SLCO3A1: variants seen among roughly 807,000 people sequenced by gnomAD.
SLCO3A1 encodes PGE1 transporter.
SLCO3A1 carries 27 observed loss-of-function variants against 63.1 expected under a neutral mutation model. The ratio of observed to expected loss-of-function variants is 0.43; its 90% CI spans 0.32 to 0.59. The LOEUF (loss-of-function observed/expected upper bound fraction) is 0.59, where lower values mean the gene tolerates loss of function less well. SLCO3A1 is among the 20% of genes least tolerant of loss of function. The pLI, the probability that SLCO3A1 is intolerant of heterozygous loss-of-function variation, is 0.09. For synonymous variants in SLCO3A1, 473 were observed against 409.9 expected, an observed-to-expected ratio of 1.15 and a Z score of -1.86; for missense variants, 773 against 945.8, an observed-to-expected ratio of 0.82 and a Z score of 2.40.
At chr15:91,938,482 G>GTTTTTTTTTTTTTTT (rs71156621) in intron 2 of SLCO3A1, among the ~76,000 whole-genome samples, 2 of 136,240 alleles carry the variant, frequency 1.5e-5, no homozygotes, top group African/African-American at 5.4e-5. Context: ...GGTTTTTTTT[G>GTTTTTTTTTTTTTTT]TTTTTTTTTT....
intron 2 of SLCO3A1, among the ~76,000 whole-genome samples, chr15:92,007,156 G>C (rs1278883689): frequency 6.6e-6 from 1 of 152,170 alleles, no homozygotes; most frequent in African/African-American, 2.4e-5. Context: ...TTATATATAT[G>C]TTCTCAATGA....
At chr15:91,914,772 A>G (rs1201275930) in intron 1 of SLCO3A1, among the ~76,000 whole-genome samples, 4 of 152,008 alleles carry the variant, frequency 2.6e-5, no homozygotes, top group Non-Finnish European at 5.9e-5. Flanking sequence ...GGGTTTTGCC[A>G]TGTTGGCCAG....
intron 8 of SLCO3A1, chr15:92,148,791 G>C (rs1021879575): frequency 1.3e-5 from 2 of 152,140 alleles, no homozygotes; most frequent in African/African-American, 4.8e-5. Context: ...AACTATAATA[G>C]CAGAAAAACC....
intron 8 of SLCO3A1, chr15:92,149,129 C>T (rs946955451): frequency 6.6e-6 from 1 of 152,472 alleles, no homozygotes; most frequent in Non-Finnish European, 1.5e-5. Flanking sequence ...AGCCTCTAGA[C>T]GCTGACTAGT....
At chr15:91,893,400 G>C (rs1897920296) in intron 1 of SLCO3A1, among the ~76,000 whole-genome samples, 1 of 152,172 alleles carries the variant, frequency 6.6e-6, no homozygotes, top group African/African-American at 2.4e-5. Flanking sequence ...ATGAAGGCTG[G>C]AAAGTCCAAG....
At chr15:91,953,986 T>C (rs886195505) in intron 2 of SLCO3A1, among the ~76,000 whole-genome samples, 3 of 152,196 alleles carry the variant, frequency 2.0e-5, no homozygotes, top group African/African-American at 7.2e-5. Flanking sequence ...CCACAGATCT[T>C]GTTTTTAAAT....
At chr15:92,050,174 A>T (rs972560833) in intron 2 of SLCO3A1, among the ~76,000 whole-genome samples, 1 of 152,176 alleles carries the variant, frequency 6.6e-6, no homozygotes, top group Non-Finnish European at 1.5e-5. Flanking sequence ...TTTTCTGGTG[A>T]TGCTGCCTCT....
At chr15:91,993,657 G>A (rs2046154504) in intron 2 of SLCO3A1, among the ~76,000 whole-genome samples, 1 of 152,194 alleles carries the variant, frequency 6.6e-6, no homozygotes, top group African/African-American at 2.4e-5. Context: ...ATGGTAGCCA[G>A]CCTGCAAGAC....
chr15:92,145,432 G>A (rs1354855635), intron 7 of SLCO3A1, among the ~76,000 whole-genome samples: 1 of 152,038 alleles, frequency 6.6e-6, no homozygotes, highest in Non-Finnish European at 1.5e-5. Context: ...TTTCATCTAC[G>A]TCTCAGCTCT....
At chr15:91,972,773 G>A (rs62009549) in intron 2 of SLCO3A1, among the ~76,000 whole-genome samples, 33,321 of 151,978 alleles carry the variant, frequency 0.22, 4,139 homozygotes, top group East Asian at 0.34. Context: ...GTGCTGCCTC[G>A]GTCCTCCAGG....
rs551351915 is a variant in SLCO3A1 at position 91,978,046 on chromosome 15, A to G, written c.646+61588A>G. 3.9e-5 allele frequency among the ~76,000 whole-genome samples: 6 copies of G among 152,232 alleles called. No individual in the cohort carries two copies. In the East Asian group the frequency reaches 1.2e-3, roughly 29 times the overall value. ...AAATAATTGATTATTGAATCAGATA[A>G]TTTTCCAAACAAAATGAATACCACC... On this transcript the variant is annotated intron_variant, in intron 2 of 9. Coordinates refer to ENST00000318445, the MANE Select transcript of SLCO3A1 (RefSeq NM_013272.4).
chr15:91,973,908 A>C (rs1453870695), intron 2 of SLCO3A1, among the ~76,000 whole-genome samples: 1 of 152,200 alleles, frequency 6.6e-6, no homozygotes, highest in Non-Finnish European at 1.5e-5. Context: ...ACTTCTATAA[A>C]GGTATTTCCT....
intron 9 of SLCO3A1, among the ~76,000 whole-genome samples, chr15:92,154,400 CTCTG>C (rs2048345837): frequency 6.6e-6 from 1 of 152,192 alleles, no homozygotes; most frequent in Non-Finnish European, 1.5e-5. Context: ...TGGAAATGTT[CTCTG>C]TCTGTACCAC....
chr15:92,078,556 C>T (rs1288429594), intron 2 of SLCO3A1, among the ~76,000 whole-genome samples: 1 of 152,212 alleles, frequency 6.6e-6, no homozygotes, highest in African/African-American at 2.4e-5. Flanking sequence ...CTGTCTGCCT[C>T]ACATCTTGGG....
chr15:92,111,833 A>C (rs572896458), intron 4 of SLCO3A1, among the ~76,000 whole-genome samples: 1 of 152,314 alleles, frequency 6.6e-6, no homozygotes, highest in South Asian at 2.1e-4. Flanking sequence ...GTCCCTTGAG[A>C]TGCTCAGGGA....
Position 92,165,105 on chromosome 15 carries a change from C to T in SLCO3A1, c.*1970C>T, listed in dbSNP as rs1476075798. ...TTAATGAACATTGTAAATGAAGAGG[C>T]TTGAATGACAGCCCAAATCTAGAGA... is the stretch of plus-strand genomic sequence containing the variant. On this transcript the variant is annotated 3_prime_UTR_variant, in exon 10 of 10. Transcript: ENST00000318445. The T allele has an allele frequency of 8.1e-6, 8 of 985,316 alleles. No homozygotes were observed. The highest frequency in any genetic ancestry group is 8.4e-6 in the Non-Finnish European group (7 of 829,882). The allele number at this position is 985,316 out of a possible 1,614,324, so 61.0% of individuals were successfully genotyped here.
rs924473607 is a variant in SLCO3A1 at position 92,128,652 on chromosome 15, G to C, written c.1512+163G>C. Among the ~76,000 whole-genome samples the C allele has an allele frequency of 3.3e-5, 5 of 152,282 alleles. No homozygotes were observed. The South Asian group carries it at 8.3e-4, about 25-fold the overall frequency. On this transcript the variant is annotated intron_variant, in intron 7 of 9. Transcript: ENST00000318445. The stretch of plus-strand genomic sequence containing the variant: ...TCAGCAGGATGAGAGGACTGATTCA[G>C]GTCTTCTTGCTAAATCAAGTGGGTT...
intron 2 of SLCO3A1, among the ~76,000 whole-genome samples, chr15:92,017,653 G>A (rs930604214): frequency 5.3e-5 from 8 of 152,158 alleles, no homozygotes; most frequent in Non-Finnish European, 1.2e-4. Flanking sequence ...GAGGGTGGGA[G>A]AAGGCCTGTG....
Position 91,881,440 on chromosome 15 carries a change from G to A in SLCO3A1, c.180+27352G>A, listed in dbSNP as rs117671105. Among the ~76,000 whole-genome samples, 854 of 152,170 alleles carry A rather than the reference G, an allele frequency of 5.6e-3. 3 individuals are homozygous for A. The highest frequency in any genetic ancestry group is 9.5e-3 in the Non-Finnish European group (643 of 68,000). On this transcript the variant is annotated intron_variant, in intron 1 of 9. Transcript: ENST00000318445. ...CCTGAGCTGAAAGACCCAGTGATTT[G>A]ACATTGCTCTTTCCTTGCATAAAAT...
Sources: allele counts gnomAD v4.1 joint callset (sites outside exome capture counted in the v4.1 genomes callset), GRCh38; gene constraint gnomAD v4.1.1; transcripts MANE v1.5; gene names NCBI Gene and HGNC (gene_info 2026-07-23, HGNC 2026-07-21).